Variants in RABL2A observed in about 807,000 individuals in gnomAD.
RABL2A encodes the protein RAB, member of RAS oncogene family like 2A.
Under a neutral mutation model 30.7 loss-of-function variants are expected in RABL2A, and 17 were observed. The observed-to-expected ratio is 0.55, with a 90% CI of 0.38 to 0.83. The LOEUF is 0.83. RABL2A is among the 40% of genes least tolerant of loss of function. The pLI is 0.00. For missense variants in RABL2A, 155 were observed against 272.6 expected (o/e 0.57, Z 3.04); for synonymous variants, 64 against 101.8 (o/e 0.63, Z 2.24).
chr2:113,635,408 A>T, intron 5 of RABL2A: 2 of 498,040 alleles, frequency 4.0e-6, no homozygotes, highest in South Asian at 4.0e-5. Context: ...AACATGCCTG[A>T]AACAGGGCCA....
rs1262718707 is a variant in RABL2A, at chr2:113,643,246, A to G, written c.*1117A>G. On this transcript the variant is annotated 3_prime_UTR_variant, in exon 9 of 9. Transcript: ENST00000683472. ...GGCTGAGGACTGCAAGAGGAGAGCT[A>G]GCAGATATGCCTGTTCACCCCTCTC... 2.5e-6 allele frequency: 1 copy of G among 404,482 alleles called. No individual in the cohort carries two copies. 25.1% of individuals were successfully genotyped at this position (404,482 alleles called of 1,614,324 possible). A position where few individuals can be genotyped will look rare whatever the true frequency, so the allele number is the denominator to read the frequency against.
chr2:113,629,574 C>A (rs528776017), intron 2 of RABL2A, among the ~76,000 whole-genome samples: 2 of 151,414 alleles, frequency 1.3e-5, no homozygotes, highest in Non-Finnish European at 2.9e-5. Flanking sequence ...TCGCTCTGTC[C>A]CCCAGGCTGG....
Position 113,632,881 on chromosome 2 carries a change from C to T in RABL2A, c.108-34C>T, listed in dbSNP as rs141467029. On this transcript the variant is annotated intron_variant, in intron 2 of 8. Coordinates refer to ENST00000683472, the MANE Select transcript of RABL2A (RefSeq NM_001306158.2). ...GTCTGGGACAAGGGAGAGATGGAGA[C>T]GCCATCTGACCACCTTGCCTGTTCT... The T allele has an allele frequency of 3.4e-3, 5,508 of 1,614,142 alleles. 47 individuals are homozygous for T. Among genetic ancestry groups the T allele is most frequent in the African/African-American group, 0.027 (1,994 of 75,020 alleles).
chr2:113,635,109 C>A lies in RABL2A; in HGVS notation c.276C>A (p.His92Gln). The change falls in exon 5 of 9, where the codon CAC becomes CAA. Residue 92 changes from histidine to glutamine, a missense_variant. His to Gln is a conservative substitution (Grantham distance 24). Around this residue, in one of 5 missense-constraint regions of RABL2A, gnomAD observed 82 missense variants for 103.2 expected, o/e 0.79. Transcript: ENST00000683472. ...AGAGCATGCATGCCTCCTACTACCA[C>A]AAGGCCCATGCCTGCATCATGGTAC... is the stretch of plus-strand genomic sequence containing the variant. ...RFQSMHASYY[H>Q]KAHACIMVFD... 6.2e-7 allele frequency: 1 copy of A among 1,614,212 alleles called. No individual in the cohort carries two copies. The highest frequency in any genetic ancestry group is 8.5e-7 in the Non-Finnish European group (1 of 1,180,034).
Position 113,643,096 on chromosome 2 carries a change from A to G in RABL2A, c.*967A>G. The G allele has an allele frequency of 2.2e-6, 1 of 452,480 alleles. No homozygotes were observed. Among genetic ancestry groups the G allele is most frequent in the South Asian group, 1.6e-5 (1 of 63,878 alleles). The allele number at this position is 452,480 out of a possible 1,614,324, so 28.0% of individuals were successfully genotyped here. On this transcript the variant is annotated 3_prime_UTR_variant, in exon 9 of 9. Coordinates refer to ENST00000683472, the MANE Select transcript of RABL2A (RefSeq NM_001306158.2). ...ACACAAGCGGTAAAATCGAGTCCTTACAGCCATACCACAAGGTACGTCCAT... is the reference window on the plus strand; with the variant it reads ...ACACAAGCGGTAAAATCGAGTCCTTGCAGCCATACCACAAGGTACGTCCAT...
rs1679037363 is a variant in RABL2A, at chr2:113,628,634, G to T, written c.28G>T (p.Glu10Ter). Residue 10 changes from glutamate (E) to a stop codon, truncating the protein, a stop_gained, in exon 2 of 9, where the codon GAG (glutamate) becomes TAG (stop). Transcript: ENST00000683472. LOFTEE classifies it high-confidence loss of function. Reference protein sequence around the residue: MAEDKTKPSELDQGKYDADD... With the variant: MAEDKTKPS ...GGCAGAAGACAAAACCAAACCGAGT[G>T]AGTTGGACCAAGGGAAGTATGATGC... The T allele has an allele frequency of 6.5e-7, 1 of 1,539,882 alleles. No individual in the cohort carries two copies. Among genetic ancestry groups the T allele is most frequent in the African/African-American group, 1.5e-5 (1 of 66,654 alleles).
At chr2:113,641,292 C>T in intron 6 of RABL2A, 61 bp from the exon 7 acceptor site, 3 of 1,609,024 alleles carry the variant, frequency 1.9e-6, no homozygotes, top group East Asian at 2.2e-5. Context: ...CCTCCAGTGG[C>T]CCCCCCTCCA....
chr2:113,630,727 G>C (rs1172391706), intron 2 of RABL2A, among the ~76,000 whole-genome samples: 4 of 151,594 alleles, frequency 2.6e-5, no homozygotes, highest in Non-Finnish European at 5.9e-5. Context: ...TACCCCCTGT[G>C]AACAGGTGAC....
chr2:113,633,564 C>T, intron 3 of RABL2A: 1 of 191,126 alleles, frequency 5.2e-6, no homozygotes, highest in Non-Finnish European at 1.1e-5. Context: ...ATGTGTTACT[C>T]CACCTTGTAC....
intron 5 of RABL2A, among the ~76,000 whole-genome samples, chr2:113,639,815 C>T (rs1245679916): frequency 6.7e-6 from 1 of 150,244 alleles, no homozygotes; most frequent in Non-Finnish European, 1.5e-5. Context: ...GAGATTATGC[C>T]ACCACACTCC....
intron 5 of RABL2A, chr2:113,637,307 T>C: frequency 1.0e-6 from 1 of 983,156 alleles, no homozygotes; most frequent in Non-Finnish European, 1.2e-6. Context: ...AGGCCCTGCT[T>C]CAATGCCACC....
In RABL2A at chr2:113,627,281, T is replaced by A. The variant is rs1235900811; in HGVS notation, c.-173T>A. ...GGGGCGAGCCGGAAGTGGAGTGCGC[T>A]GCGGTGCGAGCTGGGCCGGCGGGGT... On this transcript the variant is annotated 5_prime_UTR_variant, in exon 1 of 9. Transcript: ENST00000683472. The A allele has an allele frequency of 7.5e-6, 1 of 132,754 alleles. No homozygotes were observed. Among genetic ancestry groups the A allele is most frequent in the African/African-American group, 3.3e-5 (1 of 30,200 alleles). The allele number at this position is 132,754 out of a possible 1,614,324, so 8.2% of individuals were successfully genotyped here. A position where few individuals can be genotyped will look rare whatever the true frequency, so the allele number is the denominator to read the frequency against.
At chr2:113,629,169 A>C (rs1182597903) in intron 2 of RABL2A, among the ~76,000 whole-genome samples, 1 of 152,054 alleles carries the variant, frequency 6.6e-6, no homozygotes, top group Non-Finnish European at 1.5e-5. Flanking sequence ...CTTGTAATGA[A>C]TTTCGGTGCC....
intron 5 of RABL2A, among the ~76,000 whole-genome samples, chr2:113,639,792 GT>G (rs1195444745): frequency 6.6e-6 from 1 of 151,612 alleles, no homozygotes; most frequent in Non-Finnish European, 1.5e-5. Flanking sequence ...GAAGGCAAAG[GT>G]TGCAGTGAGC....
chr2:113,636,285 AAAC>A (rs1682692682), intron 5 of RABL2A, among the ~76,000 whole-genome samples: 1 of 152,040 alleles, frequency 6.6e-6, no homozygotes, highest in Admixed American at 6.6e-5. Context: ...TGGCGGTACA[AAAC>A]AACCATTTTC....
intron 5 of RABL2A, chr2:113,637,684 T>G: frequency 7.8e-7 from 1 of 1,281,416 alleles, no homozygotes; most frequent in Non-Finnish European, 1.0e-6. Context: ...GCAAGGAAAA[T>G]GGGGGCAGTG....
chr2:113,629,608 C>T (rs1665302), intron 2 of RABL2A, among the ~76,000 whole-genome samples: 51,460 of 151,114 alleles, frequency 0.34, 9,832 homozygotes, highest in African/African-American at 0.52. Flanking sequence ...GATCTCGGCT[C>T]ACTGCAAGCT....
chr2:113,634,956 A>C (rs1681955299), intron 4 of RABL2A, 95 bp from the exon 5 acceptor site: 4 of 1,367,358 alleles, frequency 2.9e-6, no homozygotes, highest in Non-Finnish European at 4.2e-6. Context: ...GTACACTCAC[A>C]CATGTGCTGT....
In RABL2A at chr2:113,642,204, G is replaced by C. The variant is rs1685463778; in HGVS notation, c.*75G>C. On this transcript the variant is annotated 3_prime_UTR_variant, in exon 9 of 9. Coordinates refer to ENST00000683472, the MANE Select transcript of RABL2A (RefSeq NM_001306158.2). ...CAACAACTCTCCAGCTCTGAATGGA[G>C]AAACTCTCTAGGCCATCCCCTCTTC... The C allele has an allele frequency of 6.7e-7, 1 of 1,491,316 alleles. No homozygotes were observed. The highest frequency in any genetic ancestry group is 1.4e-5 in the South Asian group (1 of 71,060). The allele number at this position is 1,491,316 out of a possible 1,614,324, so 92.4% of individuals were successfully genotyped here.
Sources: gnomAD v4.1 joint callset for allele counts (sites outside exome capture counted in the v4.1 genomes callset) on GRCh38, gnomAD v4.1.1 for gene constraint, gnomAD v4.1.1 regional missense constraint, MANE v1.5 for transcripts, NCBI Gene and HGNC (gene_info 2026-07-23, HGNC 2026-07-21) for gene names.